B3GALT1: variants seen among roughly 807,000 people sequenced by gnomAD.
The protein encoded by B3GALT1 is UDP-Gal:betaGlcNAc beta 1,3-galactosyltransferase, polypeptide 1.
Under a neutral mutation model 23.2 loss-of-function variants are expected in B3GALT1, and 10 were observed. The observed-to-expected ratio is 0.43, with a 90% CI of 0.27 to 0.73. The LOEUF (loss-of-function observed/expected upper bound fraction) is 0.73. Among genes scored for constraint, B3GALT1 ranks in the 30% least tolerant of loss-of-function variants. B3GALT1 has a pLI of 0.21. For synonymous variants in B3GALT1, 156 were observed against 141.5 expected (o/e 1.10, Z -0.73); for missense variants, 299 against 405.4 (o/e 0.74, Z 2.25).
At chr2:167,610,845 A>AC (rs1270313048) in intron 2 of B3GALT1, among the ~76,000 whole-genome samples, 1 of 150,292 alleles carries the variant, frequency 6.7e-6, no homozygotes, top group East Asian at 2.0e-4. Flanking sequence ...GGGTCATAGG[A>AC]CCAACCTTAG....
intron 3 of B3GALT1, among the ~76,000 whole-genome samples, chr2:167,663,684 T>C (rs1286545143): frequency 6.6e-6 from 1 of 151,222 alleles, no homozygotes; most frequent in Non-Finnish European, 1.5e-5. Context: ...CTCATTGTGG[T>C]TTTGATTTGC....
intron 1 of B3GALT1, among the ~76,000 whole-genome samples, chr2:167,363,258 G>A (rs1697527149): frequency 6.6e-6 from 1 of 151,800 alleles, no homozygotes; most frequent in Admixed American, 6.6e-5. Context: ...AATGTATCCT[G>A]TTCGTTTGTC....
intron 2 of B3GALT1, among the ~76,000 whole-genome samples, chr2:167,589,108 T>G (rs1338730478): frequency 2.6e-5 from 4 of 151,936 alleles, no homozygotes; most frequent in African/African-American, 7.3e-5. Flanking sequence ...TGTCCAGCTA[T>G]CTTTTAAAAT....
chr2:167,311,085 T>G (rs1472660960), intron 1 of B3GALT1, among the ~76,000 whole-genome samples: 1 of 152,144 alleles, frequency 6.6e-6, no homozygotes, highest in Admixed American at 6.6e-5. Context: ...CATTTTCATT[T>G]TCTCTTTAGA....
intron 1 of B3GALT1, among the ~76,000 whole-genome samples, chr2:167,449,028 T>C (rs953966040): frequency 2.6e-5 from 4 of 152,194 alleles, no homozygotes; most frequent in African/African-American, 7.2e-5. Context: ...AGTTGGGTAA[T>C]GTGATGCCTT....
intron 3 of B3GALT1, among the ~76,000 whole-genome samples, chr2:167,743,791 T>C (rs1230487959): frequency 6.6e-6 from 1 of 152,126 alleles, no homozygotes; most frequent in Non-Finnish European, 1.5e-5. Flanking sequence ...GTGTTGACCA[T>C]CTATTTTAAT....
chr2:167,484,570 A>G (rs115441187), intron 1 of B3GALT1, among the ~76,000 whole-genome samples: 2,952 of 152,256 alleles, frequency 0.019, 34 homozygotes, highest in Non-Finnish European at 0.029. Flanking sequence ...CTGATTGGCA[A>G]TTTGTTGAAA....
chr2:167,529,179 T>C (rs1461995833), intron 2 of B3GALT1, among the ~76,000 whole-genome samples: 1 of 152,142 alleles, frequency 6.6e-6, no homozygotes, highest in Non-Finnish European at 1.5e-5. Flanking sequence ...CTGGAACACA[T>C]ACCTTCCTGG....
chr2:167,345,733 CAT>C (rs1051872834), intron 1 of B3GALT1, among the ~76,000 whole-genome samples: 31 of 152,220 alleles, frequency 2.0e-4, no homozygotes, highest in African/African-American at 7.2e-4. Flanking sequence ...CTAGTAGAGA[CAT>C]GTGATCTGTT....
chr2:167,767,079 C>T (rs1041280074), intron 3 of B3GALT1, among the ~76,000 whole-genome samples: 1 of 152,072 alleles, frequency 6.6e-6, no homozygotes, highest in African/African-American at 2.4e-5. Flanking sequence ...TAAAAATTTC[C>T]CTGGAAAGTT....
At position 167,373,062 on chromosome 2, in the gene B3GALT1, G is replaced by A. The variant is rs181983516; in HGVS notation, c.-511+79728G>A. Among the ~76,000 whole-genome samples the A allele has an allele frequency of 1.4e-3, 211 of 151,798 alleles. 5 individuals carry two copies. In the East Asian group the frequency reaches 0.036, roughly 26 times the overall value. The stretch of plus-strand genomic sequence containing the variant: ...AATATAATAGAGAATACAGAAATAG[G>A]CCTATACCTATATAGCCAATTGATT... On this transcript the variant is annotated intron_variant, in intron 1 of 4. Transcript: ENST00000392690.
intron 1 of B3GALT1, among the ~76,000 whole-genome samples, chr2:167,445,351 G>T (rs950931598): frequency 7.9e-5 from 12 of 152,166 alleles, no homozygotes; most frequent in Non-Finnish European, 1.8e-4. Flanking sequence ...GTTGATTTGG[G>T]GTGAAGAGTT....
At chr2:167,647,455 T>A (rs1035772532) in intron 3 of B3GALT1, among the ~76,000 whole-genome samples, 29 of 152,132 alleles carry the variant, frequency 1.9e-4, no homozygotes, top group Admixed American at 9.8e-4. Context: ...AATAGACAAA[T>A]GCAAGAGGAA....
At chr2:167,501,576 G>T (rs542455474) in intron 2 of B3GALT1, among the ~76,000 whole-genome samples, 3 of 151,746 alleles carry the variant, frequency 2.0e-5, no homozygotes, top group South Asian at 2.1e-4. Flanking sequence ...ACACAAAAAA[G>T]ATTTTTATCA....
At chr2:167,606,339 A>G (rs16853924) in intron 2 of B3GALT1, among the ~76,000 whole-genome samples, 1,995 of 152,308 alleles carry the variant, frequency 0.013, 48 homozygotes, top group African/African-American at 0.045. Context: ...ACTAAATTTA[A>G]TCCAAATGAA....
intron 3 of B3GALT1, among the ~76,000 whole-genome samples, chr2:167,778,641 G>A (rs1049818903): frequency 1.3e-5 from 2 of 152,080 alleles, no homozygotes; most frequent in African/African-American, 4.8e-5. Context: ...TCTTTTGTTA[G>A]TATTTTGAAA....
chr2:167,829,914 G>C (rs1056718528), intron 4 of B3GALT1, among the ~76,000 whole-genome samples: 1 of 152,212 alleles, frequency 6.6e-6, no homozygotes, highest in African/African-American at 2.4e-5. Context: ...TCCTTCTGAG[G>C]AGAAAATGGA....
chr2:167,560,362 T>C (rs1244979651), intron 2 of B3GALT1, among the ~76,000 whole-genome samples: 1 of 151,740 alleles, frequency 6.6e-6, no homozygotes, highest in African/African-American at 2.4e-5. Flanking sequence ...TGCCAAAATA[T>C]AAAGACCATC....
At chr2:167,699,924 G>A (rs779631249) in intron 3 of B3GALT1, among the ~76,000 whole-genome samples, 6 of 152,118 alleles carry the variant, frequency 3.9e-5, no homozygotes, top group African/African-American at 1.4e-4. Context: ...TGTTGGTCAG[G>A]CTGGTCTTGA....
Sources: allele counts gnomAD v4.1 joint callset (sites outside exome capture counted in the v4.1 genomes callset), GRCh38; gene constraint gnomAD v4.1.1; transcripts MANE v1.5; gene names NCBI Gene and HGNC (gene_info 2026-07-23, HGNC 2026-07-21).